The following ALDH18A1 variants were observed in gnomAD, a reference collection of about 807,000 sequenced individuals.
ALDH18A1 encodes the protein delta-1-pyrroline-5-carboxylate synthase.
A neutral mutation model predicts 88.8 loss-of-function variants in ALDH18A1; 44 were observed. The ratio of observed to expected loss-of-function variants is 0.50; its 90% CI spans 0.39 to 0.64. The LOEUF (loss-of-function observed/expected upper bound fraction) is 0.64, where lower values mean the gene tolerates loss of function less well. ALDH18A1 is among the 30% of genes least tolerant of loss of function. The pLI, the probability that ALDH18A1 is intolerant of heterozygous loss-of-function variation, is 0.00. For synonymous variants in ALDH18A1, 331 were observed against 372.1 expected (o/e 0.89, Z 1.27); for missense variants, 782 against 1,009.5 (o/e 0.77, Z 3.05).
At chr10:95,609,425 G>C (rs2139522806) in intron 17 of ALDH18A1, among the ~76,000 whole-genome samples, 1 of 152,328 alleles carries the variant, frequency 6.6e-6, no homozygotes, top group African/African-American at 2.4e-5. Flanking sequence ...GAGGCAACCT[G>C]GCTGTGCCAT....
At chr10:95,623,194 T>C (rs1259671883) in intron 11 of ALDH18A1, among the ~76,000 whole-genome samples, 1 of 152,232 alleles carries the variant, frequency 6.6e-6, no homozygotes, top group Non-Finnish European at 1.5e-5. Flanking sequence ...ATAGTATATG[T>C]TAAATGTTAC....
intron 12 of ALDH18A1, 94 bp downstream of exon 12, chr10:95,620,934 TAAA>T (rs75882174): frequency 4.9e-4 from 531 of 1,093,426 alleles, no homozygotes; most frequent in Middle Eastern, 9.0e-4. Flanking sequence ...GAACTTAAAT[TAAA>T]AAAAAAAAAA....
intron 17 of ALDH18A1, among the ~76,000 whole-genome samples, chr10:95,608,348 ACAT>A (rs1274756194): frequency 5.3e-5 from 8 of 152,274 alleles, no homozygotes; most frequent in Admixed American, 4.6e-4. Context: ...CAAAATCCCA[ACAT>A]AATACAAATG....
At chr10:95,630,455 G>A (rs1398895304) in intron 7 of ALDH18A1, among the ~76,000 whole-genome samples, 1 of 152,224 alleles carries the variant, frequency 6.6e-6, no homozygotes, top group Non-Finnish European at 1.5e-5. Flanking sequence ...GCTCATGCCT[G>A]TAATCCCAGT....
At chr10:95,642,002 G>GA (rs1168299133) in intron 3 of ALDH18A1, among the ~76,000 whole-genome samples, 7 of 152,046 alleles carry the variant, frequency 4.6e-5, no homozygotes, top group Admixed American at 4.6e-4. Context: ...ATTTAGAATA[G>GA]AAAATATAAG....
Position 95,632,989 on chromosome 10 carries a change from C to T in ALDH18A1, c.778G>A (p.Asp260Asn). 2 of 1,614,168 alleles carry T rather than the reference C, an allele frequency of 1.2e-6. No homozygotes were observed. The highest frequency in any genetic ancestry group is 1.7e-6 in the Non-Finnish European group (2 of 1,180,004). ...AARLAVEMKT[D>N]LLIVLSDVEG... ...ACATCTGAAAGAACAATCAAGAGAT[C>T]AGTTTTCATTTCCACAGCCAGTCGG... Residue 260 changes from aspartate (D) to asparagine (N), a missense_variant, in exon 7 of 18, where the codon GAT (aspartate) becomes AAT (asparagine). Around this residue, in one of 3 missense-constraint regions of ALDH18A1, gnomAD observed 132 missense variants for 255.5 expected, o/e 0.52. Transcript: ENST00000371224.
chr10:95,617,223 G>A (rs2017218), intron 12 of ALDH18A1, among the ~76,000 whole-genome samples: 42,049 of 152,162 alleles, frequency 0.28, 6,777 homozygotes, highest in Admixed American at 0.4. Context: ...CTCCAGCCTG[G>A]GCAACAGAGT....
At chr10:95,620,369 T>A (rs148561349) in intron 12 of ALDH18A1, among the ~76,000 whole-genome samples, 1 of 152,210 alleles carries the variant, frequency 6.6e-6, no homozygotes, top group East Asian at 1.9e-4. Flanking sequence ...TGGAAGACAG[T>A]GTGGCAATTC....
At position 95,626,739 on chromosome 10, in the gene ALDH18A1, A is replaced by C. The variant is rs2097860934; in HGVS notation, c.1116T>G (p.Ser372=). 5 of 1,613,878 alleles carry C rather than the reference A, an allele frequency of 3.1e-6. No homozygotes were observed. Among genetic ancestry groups the C allele is most frequent in the Non-Finnish European group, 4.2e-6 (5 of 1,179,938 alleles). Residue 372 remains serine (S), a synonymous_variant, in exon 10 of 18, where the codon TCT becomes TCG. Transcript: ENST00000371224. Reference sequence around the variant, plus strand: ...CCAAGGTGGCCAACATCCTTCCTCCAGATCGCGCCATTTCTCCCTGCTGCT... The same window carrying C: ...CCAAGGTGGCCAACATCCTTCCTCCCGATCGCGCCATTTCTCCCTGCTGCT... The part of the protein sequence containing the change: ...TVEQQGEMAR[S]GGRMLATLEP...
At chr10:95,643,552 T>C (rs967766876) in intron 2 of ALDH18A1, among the ~76,000 whole-genome samples, 1 of 152,200 alleles carries the variant, frequency 6.6e-6, no homozygotes, top group African/African-American at 2.4e-5. Context: ...ATCACTGTTA[T>C]TTATTATCAG....
At position 95,614,032 on chromosome 10, in the gene ALDH18A1, GC is replaced by G; in HGVS notation, c.1734del (p.His579ThrfsTer22). Reference sequence around the variant, plus strand: ...TACATGTGACAGATCCCTTCGCTGTGCCCCATCACTGGAATCCCCTTAGCAG... The same window carrying G: ...TACATGTGACAGATCCCTTCGCTGTGCCCATCACTGGAATCCCCTTAGCAG... Reference protein sequence around the residue: ...QKAAKGIPVMGHSEGICHMYV... With the variant: ...QKAAKGIPVMXHSEGICHMYV... On this transcript the variant is annotated frameshift_variant, in exon 14 of 18. Transcript: ENST00000371224. LOFTEE classifies it high-confidence loss of function. The G allele has an allele frequency of 6.2e-7, 1 of 1,614,180 alleles. No individual in the cohort carries two copies.
At chr10:95,617,773 G>A (rs918699503) in intron 12 of ALDH18A1, among the ~76,000 whole-genome samples, 4 of 152,192 alleles carry the variant, frequency 2.6e-5, no homozygotes, top group Non-Finnish European at 5.9e-5. Flanking sequence ...TCAGCTCCTT[G>A]TGAGGTATCA....
At chr10:95,615,887 T>G (rs562270321) in intron 13 of ALDH18A1, among the ~76,000 whole-genome samples, 1 of 152,340 alleles carries the variant, frequency 6.6e-6, no homozygotes, top group African/African-American at 2.4e-5. Flanking sequence ...AAAATGAGTC[T>G]AATAATTAAT....
intron 2 of ALDH18A1, among the ~76,000 whole-genome samples, chr10:95,644,664 C>T (rs1286189137): frequency 2.0e-5 from 3 of 152,198 alleles, no homozygotes; most frequent in South Asian, 2.1e-4. Flanking sequence ...TGCCACCAGT[C>T]GAAAGACTAC....
chr10:95,610,297 A>T lies in ALDH18A1; in HGVS notation c.2111-5T>A. Reference sequence around the variant, plus strand: ...GGAAGAACTCCGCTGTGTTTTCTGCAGGGTGAAGAAGGAGAAACCAAGTTA... The same window carrying T: ...GGAAGAACTCCGCTGTGTTTTCTGCTGGGTGAAGAAGGAGAAACCAAGTTA... On this transcript the variant is annotated splice_region_variant and splice_polypyrimidine_tract_variant and intron_variant, in intron 16 of 17. Coordinates refer to ENST00000371224, the MANE Select transcript of ALDH18A1 (RefSeq NM_002860.4). 1 of 1,613,704 alleles carries T rather than the reference A, an allele frequency of 6.2e-7. No homozygotes were observed. Among genetic ancestry groups the T allele is most frequent in the Non-Finnish European group, 8.5e-7 (1 of 1,179,692 alleles).
intron 3 of ALDH18A1, among the ~76,000 whole-genome samples, chr10:95,642,239 G>C (rs11188412): frequency 4.6e-5 from 7 of 152,214 alleles, no homozygotes; most frequent in African/African-American, 9.6e-5. Flanking sequence ...TCACGGCCAC[G>C]CTCATTCATT....
chr10:95,644,242 TTC>T (rs770768422), intron 2 of ALDH18A1, among the ~76,000 whole-genome samples: 4 of 152,194 alleles, frequency 2.6e-5, no homozygotes, highest in Non-Finnish European at 2.9e-5. Context: ...TACCTACAAT[TTC>T]TCTCTTTGAT....
At chr10:95,655,490 T>A (rs2097916481) in intron 1 of ALDH18A1, among the ~76,000 whole-genome samples, 1 of 152,204 alleles carries the variant, frequency 6.6e-6, no homozygotes, top group African/African-American at 2.4e-5. Flanking sequence ...ATATATTGAC[T>A]GACTGTTTAC....
chr10:95,612,796 C>T (rs2097837609), intron 15 of ALDH18A1, among the ~76,000 whole-genome samples: 1 of 152,152 alleles, frequency 6.6e-6, no homozygotes, highest in Non-Finnish European at 1.5e-5. Context: ...ACACAGGTGC[C>T]CAATCAACAG....
Sources: allele counts gnomAD v4.1 joint callset (sites outside exome capture counted in the v4.1 genomes callset), GRCh38; gene constraint gnomAD v4.1.1; regional missense constraint gnomAD v4.1.1; transcripts MANE v1.5; gene names NCBI Gene and HGNC (gene_info 2026-07-23, HGNC 2026-07-21).